Variants in COX7B2 observed in about 807,000 individuals in gnomAD.
COX7B2 encodes the protein cytochrome c oxidase subunit 7B2, also known as cytochrome c oxidase subunit 7B2, mitochondrial.
For synonymous variants in COX7B2, 37 were observed against 32.1 expected (o/e 1.15, Z -0.51); for missense variants, 109 against 95.9 (o/e 1.14, Z -0.57).
At chr4:46,869,512 T>C (rs1362289533) in intron 1 of COX7B2, among the ~76,000 whole-genome samples, 1 of 152,142 alleles carries the variant, frequency 6.6e-6, no homozygotes, top group Admixed American at 6.5e-5. Context: ...TCATGTGAAC[T>C]TTCCTTTCTA....
chr4:46,820,506 T>C (rs984469083), intron 2 of COX7B2, among the ~76,000 whole-genome samples: 5 of 152,082 alleles, frequency 3.3e-5, no homozygotes, highest in African/African-American at 1.2e-4. Context: ...CCCAGCTCTA[T>C]CTAATCTGAT....
intron 1 of COX7B2, among the ~76,000 whole-genome samples, chr4:46,889,041 T>C (rs1304389841): frequency 6.6e-6 from 1 of 152,212 alleles, no homozygotes; most frequent in African/African-American, 2.4e-5. Flanking sequence ...TTTTCCATGA[T>C]GTGAGTATTA....
chr4:46,908,831 G>A (rs1720566547), intron 1 of COX7B2, among the ~76,000 whole-genome samples: 1 of 151,658 alleles, frequency 6.6e-6, no homozygotes, highest in South Asian at 2.1e-4. Context: ...CACGAGGTCA[G>A]GAGATCGAGA....
At chr4:46,766,261 G>T (rs1195598952) in intron 2 of COX7B2, among the ~76,000 whole-genome samples, 1 of 152,156 alleles carries the variant, frequency 6.6e-6, no homozygotes, top group Non-Finnish European at 1.5e-5. Context: ...TATTGTAATG[G>T]TGGTGTGTAA....
chr4:46,829,946 A>G (rs981355763), intron 2 of COX7B2, among the ~76,000 whole-genome samples: 3 of 152,232 alleles, frequency 2.0e-5, no homozygotes, highest in Non-Finnish European at 4.4e-5. Context: ...GAATGTGAAG[A>G]AATAATTAAA....
intron 1 of COX7B2, among the ~76,000 whole-genome samples, chr4:46,859,491 A>T (rs922642128): frequency 1.3e-5 from 2 of 152,198 alleles, no homozygotes; most frequent in Non-Finnish European, 2.9e-5. Context: ...GGGGAAGTGG[A>T]ATAACTGAAG....
chr4:46,744,803 C>T (rs1436911743), intron 2 of COX7B2, among the ~76,000 whole-genome samples: 1 of 138,498 alleles, frequency 7.2e-6, no homozygotes, highest in Non-Finnish European at 1.5e-5. Context: ...AGTGCAGTGG[C>T]GTAATCTCGG....
chr4:46,782,260 G>T (rs1178960096), intron 2 of COX7B2, among the ~76,000 whole-genome samples: 1 of 152,060 alleles, frequency 6.6e-6, no homozygotes, highest in Non-Finnish European at 1.5e-5. Flanking sequence ...TGGGGACTTG[G>T]AGAACTTTTA....
At chr4:46,738,630 T>A (rs1382665838) in intron 2 of COX7B2, among the ~76,000 whole-genome samples, 1 of 152,056 alleles carries the variant, frequency 6.6e-6, no homozygotes, top group African/African-American at 2.4e-5. Flanking sequence ...TACAATAAAT[T>A]TTGTGTTATC....
At chr4:46,800,851 T>C (rs1718618957) in intron 2 of COX7B2, among the ~76,000 whole-genome samples, 1 of 152,100 alleles carries the variant, frequency 6.6e-6, no homozygotes, top group Non-Finnish European at 1.5e-5. Context: ...CAAAAACATT[T>C]GCAAACTATG....
intron 2 of COX7B2, among the ~76,000 whole-genome samples, chr4:46,803,789 A>G (rs749461188): frequency 6.7e-6 from 1 of 150,256 alleles, no homozygotes; most frequent in Non-Finnish European, 1.5e-5. Flanking sequence ...ACAAAGACAG[A>G]CAAGTATTTA....
chr4:46,836,470 T>A (rs538426808), intron 2 of COX7B2, among the ~76,000 whole-genome samples: 68 of 152,178 alleles, frequency 4.5e-4, no homozygotes, highest in Non-Finnish European at 9.0e-4. Flanking sequence ...CCACATCTTG[T>A]CCCACTGGAA....
chr4:46,804,971 A>T (rs898348956), intron 2 of COX7B2, among the ~76,000 whole-genome samples: 44 of 152,132 alleles, frequency 2.9e-4, no homozygotes, highest in African/African-American at 1.0e-3. Context: ...GCGGGTCCCG[A>T]GCCCTGCCGC....
At chr4:46,766,791 G>A (rs1419996151) in intron 2 of COX7B2, among the ~76,000 whole-genome samples, 1 of 150,800 alleles carries the variant, frequency 6.6e-6, no homozygotes, top group Non-Finnish European at 1.5e-5. Flanking sequence ...GCATTAAACT[G>A]ACCATTACAA....
chr4:46,797,681 C>T (rs1425142896), intron 2 of COX7B2, among the ~76,000 whole-genome samples: 2 of 152,118 alleles, frequency 1.3e-5, no homozygotes, highest in Non-Finnish European at 1.5e-5. Context: ...TGATTCCCAC[C>T]ACATCTCCAT....
chr4:46,778,439 T>C (rs1362477012), intron 2 of COX7B2, among the ~76,000 whole-genome samples: 1 of 152,134 alleles, frequency 6.6e-6, no homozygotes, highest in Non-Finnish European at 1.5e-5. Flanking sequence ...TAACACTGCA[T>C]TTCTAGGTAA....
In COX7B2 at chr4:46,738,482, T is replaced by C. The variant is rs537500648; in HGVS notation, c.-49-3241A>G. 8.5e-5 allele frequency among the ~76,000 whole-genome samples: 13 copies of C among 152,244 alleles called. No individual in the cohort carries two copies. In the East Asian group the frequency reaches 1.9e-3, roughly 23 times the overall value. ...CAAACTGCAGTCTCTTTGCTCTTTT[T>C]CTTTTCCTTGTCGGCATCAGCTACA... On this transcript the variant is annotated intron_variant, in intron 2 of 2. Coordinates refer to ENST00000355591, the MANE Select transcript of COX7B2 (RefSeq NM_130902.3).
intron 2 of COX7B2, among the ~76,000 whole-genome samples, chr4:46,830,097 G>A (rs1469466910): frequency 2.6e-5 from 4 of 152,090 alleles, no homozygotes; most frequent in Admixed American, 1.3e-4. Context: ...AGGCCAAGGC[G>A]TGCAGATCAT....
intron 2 of COX7B2, among the ~76,000 whole-genome samples, chr4:46,832,440 G>A (rs993258205): frequency 2.6e-5 from 4 of 152,146 alleles, no homozygotes; most frequent in Non-Finnish European, 4.4e-5. Context: ...ATAATTTCAA[G>A]CAACATCAAG....
Sources: allele counts gnomAD v4.1 joint callset (sites outside exome capture counted in the v4.1 genomes callset), GRCh38; gene constraint gnomAD v4.1.1; transcripts MANE v1.5; gene names NCBI Gene and HGNC (gene_info 2026-07-23, HGNC 2026-07-21).